Variants in NEGR1 observed in about 807,000 individuals in gnomAD.
The protein encoded by NEGR1 is IgLON family member 4.
In NEGR1, 10 loss-of-function variants were observed where a neutral mutation model predicts 40.9. The ratio of observed to expected loss-of-function variants is 0.24; its 90% CI spans 0.15 to 0.42. NEGR1 has a LOEUF of 0.42. Among genes scored for constraint, NEGR1 ranks in the 10% least tolerant of loss-of-function variants. NEGR1 has a pLI of 1.00. For synonymous variants in NEGR1, 185 were observed against 166.8 expected (o/e 1.11, Z -0.84); for missense variants, 352 against 438.9 (o/e 0.80, Z 1.77).
chr1:71,418,797 C>T (rs930880295), intron 6 of NEGR1, among the ~76,000 whole-genome samples: 4 of 152,032 alleles, frequency 2.6e-5, no homozygotes, highest in African/African-American at 7.2e-5. Context: ...TCTAAAGAGC[C>T]GGCATCATAT....
intron 6 of NEGR1, among the ~76,000 whole-genome samples, chr1:71,508,064 G>T (rs1050118611): frequency 6.6e-6 from 1 of 152,096 alleles, no homozygotes; most frequent in African/African-American, 2.4e-5. Context: ...TCAATTTTAA[G>T]AAATTATATA....
chr1:71,723,538 C>A (rs1040229106), intron 3 of NEGR1, among the ~76,000 whole-genome samples: 1 of 152,088 alleles, frequency 6.6e-6, no homozygotes, highest in Non-Finnish European at 1.5e-5. Context: ...TCCAACAGGG[C>A]TCAGGGAGCT....
At chr1:71,505,094 C>T (rs1176000410) in intron 6 of NEGR1, among the ~76,000 whole-genome samples, 1 of 152,086 alleles carries the variant, frequency 6.6e-6, no homozygotes, top group Non-Finnish European at 1.5e-5. Flanking sequence ...AAAAGGTCTC[C>T]AACCGTTAAT....
At chr1:71,690,671 G>GAGAGAGAGAGAC (rs1553158857) in intron 4 of NEGR1, among the ~76,000 whole-genome samples, 1 of 142,114 alleles carries the variant, frequency 7.0e-6, no homozygotes. Flanking sequence ...GAGAGATTGA[G>GAGAGAGAGAGAC]ATTTGCCGTT....
chr1:71,849,187 T>C (rs551956570), intron 2 of NEGR1, among the ~76,000 whole-genome samples: 1 of 152,308 alleles, frequency 6.6e-6, no homozygotes, highest in East Asian at 1.9e-4. Flanking sequence ...GAATACCTTC[T>C]GGAAAATATT....
At chr1:71,467,688 T>C (rs1230760859) in intron 6 of NEGR1, among the ~76,000 whole-genome samples, 3 of 146,922 alleles carry the variant, frequency 2.0e-5, no homozygotes, top group Non-Finnish European at 4.5e-5. Context: ...TTTATACTTT[T>C]GACCTTTTAT....
chr1:71,688,613 T>G (rs1446773217), intron 4 of NEGR1, among the ~76,000 whole-genome samples: 1 of 151,552 alleles, frequency 6.6e-6, no homozygotes, highest in Non-Finnish European at 1.5e-5. Flanking sequence ...CACGCCACCA[T>G]GCCCAACTAA....
intron 6 of NEGR1, among the ~76,000 whole-genome samples, chr1:71,464,118 A>G (rs1557535240): frequency 6.6e-6 from 1 of 152,140 alleles, no homozygotes; most frequent in Non-Finnish European, 1.5e-5. Context: ...ATCAAGTTTT[A>G]GTCTTCTGTC....
At chr1:72,033,006 C>T (rs1434389561) in intron 1 of NEGR1, among the ~76,000 whole-genome samples, 1 of 151,964 alleles carries the variant, frequency 6.6e-6, no homozygotes, top group Non-Finnish European at 1.5e-5. Flanking sequence ...TGAAGCAATT[C>T]TTAAAAATTG....
chr1:71,826,437 T>G (rs968464794), intron 2 of NEGR1, among the ~76,000 whole-genome samples: 6 of 151,958 alleles, frequency 3.9e-5, no homozygotes, highest in African/African-American at 1.4e-4. Flanking sequence ...TCAAGACTCA[T>G]TCTGGCTTTG....
intron 2 of NEGR1, among the ~76,000 whole-genome samples, chr1:71,787,430 T>C (rs1341587853): frequency 6.6e-6 from 1 of 152,164 alleles, no homozygotes; most frequent in Non-Finnish European, 1.5e-5. Flanking sequence ...CAGGACAAAG[T>C]ATACATACAT....
chr1:71,689,997 AG>A (rs1325259861), intron 4 of NEGR1, among the ~76,000 whole-genome samples: 2 of 152,042 alleles, frequency 1.3e-5, no homozygotes, highest in Non-Finnish European at 2.9e-5. Flanking sequence ...GAATGTACCA[AG>A]GATGTTTCCC....
At chr1:72,235,089 T>G (rs1167114066) in intron 1 of NEGR1, among the ~76,000 whole-genome samples, 1 of 152,030 alleles carries the variant, frequency 6.6e-6, no homozygotes, top group African/African-American at 2.4e-5. Context: ...CAGGAAAAGT[T>G]TTATAAAGGA....
chr1:71,711,326 A>G (rs1012576948), intron 3 of NEGR1, among the ~76,000 whole-genome samples: 15 of 133,634 alleles, frequency 1.1e-4, no homozygotes, highest in African/African-American at 3.9e-4. Context: ...CCTGTGCGAC[A>G]GAGCGAGATT....
intron 3 of NEGR1, among the ~76,000 whole-genome samples, chr1:71,741,781 C>A (rs892346568): frequency 6.6e-6 from 1 of 152,090 alleles, no homozygotes; most frequent in Non-Finnish European, 1.5e-5. Flanking sequence ...TCTGGGGAGG[C>A]CTCAGGAAAC....
At chr1:71,937,593 G>A (rs190835658) in intron 1 of NEGR1, among the ~76,000 whole-genome samples, 1 of 152,298 alleles carries the variant, frequency 6.6e-6, no homozygotes, top group African/African-American at 2.4e-5. Flanking sequence ...CGATATTAGT[G>A]GGTGCCAATG....
intron 1 of NEGR1, among the ~76,000 whole-genome samples, chr1:72,057,931 T>C (rs1488980989): frequency 6.6e-6 from 1 of 151,530 alleles, no homozygotes; most frequent in Non-Finnish European, 1.5e-5. Flanking sequence ...AAAAGCCCTA[T>C]CCGCAAACAT....
At chr1:71,835,075 CAT>C (rs1263447941) in intron 2 of NEGR1, among the ~76,000 whole-genome samples, 2 of 152,144 alleles carry the variant, frequency 1.3e-5, no homozygotes, top group Non-Finnish European at 2.9e-5. Flanking sequence ...GGCTCACTCA[CAT>C]GACTGACAGT....
At chr1:71,419,436 TTC>T (rs1397249356) in intron 6 of NEGR1, among the ~76,000 whole-genome samples, 1 of 152,182 alleles carries the variant, frequency 6.6e-6, no homozygotes, top group Non-Finnish European at 1.5e-5. Flanking sequence ...GTCTTGATAA[TTC>T]TCTCAGTTAG....
Sources: allele counts gnomAD v4.1 joint callset (sites outside exome capture counted in the v4.1 genomes callset), GRCh38; gene constraint gnomAD v4.1.1; transcripts MANE v1.5; gene names NCBI Gene and HGNC (gene_info 2026-07-23, HGNC 2026-07-21).